RBFOX1: variants seen among roughly 807,000 people sequenced by gnomAD.
RBFOX1 encodes the protein RNA binding protein fox-1 homolog 1.
RBFOX1 carries 8 observed loss-of-function variants against 57.7 expected under a neutral mutation model. That is an observed-to-expected ratio of 0.14 (90% confidence interval 0.08 to 0.25). The LOEUF (loss-of-function observed/expected upper bound fraction) is 0.25, where lower values mean the gene tolerates loss of function less well. RBFOX1 is among the 10% of genes least tolerant of loss of function. The pLI, the probability that RBFOX1 is intolerant of heterozygous loss-of-function variation, is 1.00. For synonymous variants in RBFOX1, 326 were observed against 222.4 expected, an observed-to-expected ratio of 1.47 and a Z score of -4.15; for missense variants, 611 against 548.5, an observed-to-expected ratio of 1.11 and a Z score of -1.14.
At chr16:5,986,027 T>G (rs980232906) in intron 4 of RBFOX1, among the ~76,000 whole-genome samples, 3 of 151,712 alleles carry the variant, frequency 2.0e-5, no homozygotes, top group Non-Finnish European at 4.4e-5. Context: ...TACCCAAAAT[T>G]CCTCTTTATT....
intron 3 of RBFOX1, among the ~76,000 whole-genome samples, chr16:6,969,903 T>A (rs1371975079): frequency 6.6e-6 from 1 of 152,204 alleles, no homozygotes; most frequent in Admixed American, 6.5e-5. Context: ...CACTTGAGAC[T>A]CTTTCAGTAG....
At chr16:7,397,773 G>T (rs532565022) in intron 4 of RBFOX1, among the ~76,000 whole-genome samples, 2 of 152,146 alleles carry the variant, frequency 1.3e-5, no homozygotes, top group South Asian at 4.2e-4. Context: ...ATAGATTTAC[G>T]GTGGTATGAA....
intron 1 of RBFOX1, among the ~76,000 whole-genome samples, chr16:5,396,570 C>T (rs117126842): frequency 0.054 from 8,139 of 152,026 alleles, 292 homozygotes; most frequent in East Asian, 0.12. Context: ...TGAACTCAGG[C>T]GGCAGAGGTT....
Position 7,109,486 on chromosome 16 carries a change from C to G in RBFOX1, c.27+57388C>G, listed in dbSNP as rs140181217. Among the ~76,000 whole-genome samples, 1,135 of 152,198 alleles carry G rather than the reference C, an allele frequency of 7.5e-3. 13 individuals carry two copies. The highest frequency in any genetic ancestry group is 0.012 in the Non-Finnish European group (819 of 68,030). On this transcript the variant is annotated intron_variant, in intron 4 of 15. Transcript: ENST00000550418. Reference sequence around the variant, plus strand: ...GATGTATGGAAGGAAGGTGGTGCACCTTTGGGCCCTTGTGATCCAGGTGAG... The same window carrying G: ...GATGTATGGAAGGAAGGTGGTGCACGTTTGGGCCCTTGTGATCCAGGTGAG...
chr16:7,343,608 G>A (rs1262048091), intron 4 of RBFOX1, among the ~76,000 whole-genome samples: 3 of 152,126 alleles, frequency 2.0e-5, no homozygotes, highest in Non-Finnish European at 4.4e-5. Context: ...CTGTTTTTAG[G>A]CATTTACTAT....
At chr16:6,153,308 G>A (rs1271728600) in intron 1 of RBFOX1, among the ~76,000 whole-genome samples, 3 of 151,976 alleles carry the variant, frequency 2.0e-5, no homozygotes, top group Non-Finnish European at 4.4e-5. Context: ...TGGAAACATT[G>A]AGAATATTCA....
chr16:6,483,502 G>A, intron 2 of RBFOX1: 13 of 1,535,614 alleles, frequency 8.5e-6, no homozygotes, highest in Non-Finnish European at 1.1e-5. Flanking sequence ...AGCCGACAAT[G>A]AAATCTTGGC....
At chr16:6,861,892 C>T (rs1014733214) in intron 3 of RBFOX1, among the ~76,000 whole-genome samples, 3 of 118,742 alleles carry the variant, frequency 2.5e-5, no homozygotes, top group African/African-American at 3.3e-5. Context: ...CCAGAAATGT[C>T]GTTAACATTA....
At chr16:6,185,384 G>C (rs1435969183) in intron 1 of RBFOX1, among the ~76,000 whole-genome samples, 2 of 152,128 alleles carry the variant, frequency 1.3e-5, no homozygotes, top group African/African-American at 4.8e-5. Context: ...CCTGTTTCAA[G>C]GCGTTCAATA....
At chr16:7,452,034 A>G (rs1369624159) in intron 4 of RBFOX1, among the ~76,000 whole-genome samples, 1 of 152,242 alleles carries the variant, frequency 6.6e-6, no homozygotes, top group Non-Finnish European at 1.5e-5. Context: ...CCATGACCAA[A>G]GCAATATCAT....
chr16:6,121,198 C>T (rs1436943893), intron 1 of RBFOX1, among the ~76,000 whole-genome samples: 11 of 152,156 alleles, frequency 7.2e-5, no homozygotes, highest in Non-Finnish European at 1.6e-4. Flanking sequence ...TTTATGGGAA[C>T]TTCAGTGTGT....
At chr16:6,339,095 A>G (rs1041713535) in intron 2 of RBFOX1, among the ~76,000 whole-genome samples, 3 of 152,234 alleles carry the variant, frequency 2.0e-5, no homozygotes, top group Non-Finnish European at 2.9e-5. Flanking sequence ...GAAAGCGGGC[A>G]GAAAACAAAA....
intron 2 of RBFOX1, among the ~76,000 whole-genome samples, chr16:6,612,040 T>C (rs1567878176): frequency 6.6e-6 from 1 of 152,184 alleles, no homozygotes. Context: ...AGTCCCGGAA[T>C]AGTTCCTGTT....
chr16:6,557,006 CATATAT>C (rs1236015537), intron 2 of RBFOX1, among the ~76,000 whole-genome samples: 18 of 136,360 alleles, frequency 1.3e-4, no homozygotes, highest in South Asian at 6.6e-4. Flanking sequence ...CATATATATA[CATATAT>C]ATACATATAT....
rs112607427 is a variant in RBFOX1, at chr16:6,648,147, G to C, written c.-63-6456G>C. On this transcript the variant is annotated intron_variant, in intron 2 of 15. Transcript: ENST00000550418. ...CATGAGCCACTGCACCCGGCTTCAAGTGATCCTTCCATTTCAGCTTCCCAA... is the reference window on the plus strand; with the variant it reads ...CATGAGCCACTGCACCCGGCTTCAACTGATCCTTCCATTTCAGCTTCCCAA... 8.2e-3 allele frequency among the ~76,000 whole-genome samples: 1,249 copies of C among 152,164 alleles called. 22 individuals are homozygous for C. Among genetic ancestry groups the C allele is most frequent in the African/African-American group, 0.028 (1,157 of 41,516 alleles).
chr16:5,360,609 G>T (rs972608046), intron 1 of RBFOX1, among the ~76,000 whole-genome samples: 1 of 152,174 alleles, frequency 6.6e-6, no homozygotes, highest in Non-Finnish European at 1.5e-5. Context: ...CTGAGTGAGG[G>T]GGTAAAAATT....
In RBFOX1 at chr16:6,779,997, TTA is replaced by T. The variant is rs1307953727; in HGVS notation, c.-16+125355_-16+125356del. On this transcript the variant is annotated intron_variant, in intron 3 of 15. Coordinates refer to ENST00000550418, the MANE Select transcript of RBFOX1 (RefSeq NM_018723.4). ...TTTATATATTTATATATTTATATAT[TTA>T]TATATATTTATATATATTTATATAT... 2.9e-3 allele frequency among the ~76,000 whole-genome samples: 16 copies of T among 5,572 alleles called. 3 individuals carry two copies. Among genetic ancestry groups the T allele is most frequent in the Middle Eastern group, 0.17 (2 of 12 alleles). The allele number at this position is 5,572 out of a possible 152,430, so 3.7% of individuals were successfully genotyped here. A position where few individuals can be genotyped will look rare whatever the true frequency, so the allele number is the denominator to read the frequency against.
At chr16:6,979,346 CAG>C (rs967790080) in intron 3 of RBFOX1, among the ~76,000 whole-genome samples, 6 of 151,458 alleles carry the variant, frequency 4.0e-5, no homozygotes, top group South Asian at 2.1e-4. Flanking sequence ...TATTAGCTAT[CAG>C]TGTAATTATG....
intron 4 of RBFOX1, among the ~76,000 whole-genome samples, chr16:7,056,136 A>C (rs1568571694): frequency 6.6e-6 from 1 of 152,150 alleles, no homozygotes; most frequent in Non-Finnish European, 1.5e-5. Context: ...ATTAGTAACC[A>C]GCTCAGCCCA....
Sources: gnomAD v4.1 joint callset for allele counts (sites outside exome capture counted in the v4.1 genomes callset) on GRCh38, gnomAD v4.1.1 for gene constraint, MANE v1.5 for transcripts, NCBI Gene and HGNC (gene_info 2026-07-23, HGNC 2026-07-21) for gene names.